Variants in LRPPRC observed in about 807,000 individuals in gnomAD.
The protein encoded by LRPPRC is leucine-rich PPR motif-containing protein, mitochondrial.
A neutral mutation model predicts 180.3 loss-of-function variants in LRPPRC; 120 were observed. That is an observed-to-expected ratio of 0.67 (90% CI 0.57 to 0.77). LRPPRC has a LOEUF of 0.77. Among genes scored for constraint, LRPPRC ranks in the 30% least tolerant of loss-of-function variants. LRPPRC has a pLI of 0.00. For synonymous variants in LRPPRC, 723 were observed against 600.0 expected, an observed-to-expected ratio of 1.21 and a Z score of -3.00; for missense variants, 2,012 against 1,657.2, an observed-to-expected ratio of 1.21 and a Z score of -3.72.
rs1558884489 is a variant in LRPPRC at position 43,889,740 on chromosome 2, T to C, written c.4122A>G (p.Glu1374=). Reference sequence around the variant, plus strand: ...TTAATTAAGAAATACTCACAGGGGGTTCAATGAAAGGGACAGGCTCTCCAG... The same window carrying C: ...TTAATTAAGAAATACTCACAGGGGGCTCAATGAAAGGGACAGGCTCTCCAG... ...KYAGEPVPFI[E]PPESFEFYAQ... Residue 1374 remains glutamate, a synonymous_variant, in exon 37 of 38, where the codon GAA becomes GAG. Coordinates refer to ENST00000260665, the MANE Select transcript of LRPPRC (RefSeq NM_133259.4). 6.2e-7 allele frequency: 1 copy of C among 1,611,824 alleles called. No individual in the cohort carries two copies. The highest frequency in any genetic ancestry group is 8.5e-7 in the Non-Finnish European group (1 of 1,178,064).
chr2:43,939,746 G>C (rs1398897070), intron 23 of LRPPRC, among the ~76,000 whole-genome samples: 1 of 152,164 alleles, frequency 6.6e-6, no homozygotes, highest in Non-Finnish European at 1.5e-5. Context: ...AATTAACTGT[G>C]TTGAAGGCTT....
chr2:43,938,147 TAAAAGA>T (rs1295564043), intron 23 of LRPPRC, among the ~76,000 whole-genome samples: 1 of 151,210 alleles, frequency 6.6e-6, no homozygotes, highest in African/African-American at 2.4e-5. Context: ...CAAATGACAC[TAAAAGA>T]AAATCAACTC....
At chr2:43,913,875 C>T (rs1671349059) in intron 29 of LRPPRC, among the ~76,000 whole-genome samples, 2 of 152,152 alleles carry the variant, frequency 1.3e-5, no homozygotes, top group South Asian at 4.1e-4. Flanking sequence ...CTGATTATTC[C>T]ATCAGATACC....
chr2:43,987,044 C>T (rs555246917), intron 1 of LRPPRC, among the ~76,000 whole-genome samples: 5 of 152,234 alleles, frequency 3.3e-5, no homozygotes, highest in East Asian at 1.9e-4. Context: ...CCTGTTGATA[C>T]GCTGGATCAC....
intron 1 of LRPPRC, among the ~76,000 whole-genome samples, chr2:43,992,195 C>T (rs1053572143): frequency 6.6e-6 from 1 of 152,098 alleles, no homozygotes; most frequent in Non-Finnish European, 1.5e-5. Context: ...AGATGGGGGA[C>T]ACCTGACTAA....
At chr2:43,970,782 T>C (rs1436228134) in intron 11 of LRPPRC, among the ~76,000 whole-genome samples, 1 of 152,186 alleles carries the variant, frequency 6.6e-6, no homozygotes, top group East Asian at 1.9e-4. Flanking sequence ...CTCACTTTAT[T>C]AGGAGGCAAC....
At chr2:43,893,161 G>C (rs572846398) in intron 36 of LRPPRC, among the ~76,000 whole-genome samples, 1 of 152,286 alleles carries the variant, frequency 6.6e-6, no homozygotes, top group East Asian at 1.9e-4. Context: ...GTTTCCTATG[G>C]ATGACCAAAG....
chr2:43,904,115 A>C (rs796871729), intron 31 of LRPPRC, among the ~76,000 whole-genome samples: 10 of 151,980 alleles, frequency 6.6e-5, no homozygotes, highest in African/African-American at 2.4e-4. Flanking sequence ...GCTATTTAAA[A>C]ATTTTTTGTA....
chr2:43,916,033 G>A (rs1273674924), intron 29 of LRPPRC, among the ~76,000 whole-genome samples: 2 of 152,080 alleles, frequency 1.3e-5, no homozygotes, highest in Non-Finnish European at 2.9e-5. Context: ...CCAAGTTGTT[G>A]GGATTATAGG....
At chr2:43,990,434 A>G (rs1427422935) in intron 1 of LRPPRC, among the ~76,000 whole-genome samples, 1 of 152,138 alleles carries the variant, frequency 6.6e-6, no homozygotes, top group Non-Finnish European at 1.5e-5. Flanking sequence ...CGTTCCTATA[A>G]TCTACATAAA....
intron 1 of LRPPRC, among the ~76,000 whole-genome samples, chr2:43,991,589 G>C (rs1674784399): frequency 6.6e-6 from 1 of 152,130 alleles, no homozygotes; most frequent in Non-Finnish European, 1.5e-5. Flanking sequence ...CTCTGATCCA[G>C]AAATGCAAGG....
intron 26 of LRPPRC, 108 bp from the exon 27 acceptor site, chr2:43,925,265 T>G: frequency 1.3e-6 from 1 of 764,992 alleles, no homozygotes. Context: ...AAAAGGGCAG[T>G]TGAACTTCAT....
At chr2:43,892,856 T>C (rs1156443447) in intron 36 of LRPPRC, 1 of 152,028 alleles carries the variant, frequency 6.6e-6, no homozygotes, top group East Asian at 1.9e-4. Context: ...CAGACAGTGA[T>C]TCTTCTGATG....
At chr2:43,890,495 C>T (rs1015347718) in intron 36 of LRPPRC, 3 of 334,476 alleles carry the variant, frequency 9.0e-6, no homozygotes, top group Admixed American at 3.7e-5. Flanking sequence ...AGGCGGATCA[C>T]GAGGTTAGGA....
At chr2:43,945,496 T>C in intron 21 of LRPPRC, 79 bp from the exon 22 acceptor site, 2 of 850,618 alleles carry the variant, frequency 2.4e-6, no homozygotes, top group South Asian at 2.7e-5. Context: ...TTTAATCACT[T>C]TTCAAAAGCT....
At chr2:43,931,910 A>C (rs2105054737) in intron 25 of LRPPRC, among the ~76,000 whole-genome samples, 1 of 152,036 alleles carries the variant, frequency 6.6e-6, no homozygotes, top group East Asian at 1.9e-4. Flanking sequence ...TTTCCTTCTC[A>C]GTCTTTCTCC....
At position 43,995,793 on chromosome 2, in the gene LRPPRC, A is replaced by G; in HGVS notation, c.149+6T>C. On this transcript the variant is annotated splice_donor_region_variant and intron_variant, in intron 1 of 37. Coordinates refer to ENST00000260665, the MANE Select transcript of LRPPRC (RefSeq NM_133259.4). ...GCTTGCCTGGAGAAAGGGCCTGGGC[A>G]CTCACCCGGCCACGGGCCCGGCGCG... 1 of 1,383,700 alleles carries G rather than the reference A, an allele frequency of 7.2e-7. No individual in the cohort carries two copies. Among genetic ancestry groups the G allele is most frequent in the Non-Finnish European group, 9.3e-7 (1 of 1,080,594 alleles). The allele number at this position is 1,383,700 out of a possible 1,614,324, so 85.7% of individuals were successfully genotyped here.
intron 25 of LRPPRC, among the ~76,000 whole-genome samples, chr2:43,926,254 T>C (rs900792390): frequency 5.3e-5 from 8 of 152,316 alleles, no homozygotes; most frequent in African/African-American, 1.4e-4. Flanking sequence ...TTCCAAATGC[T>C]GCACTGCACG....
intron 34 of LRPPRC, among the ~76,000 whole-genome samples, chr2:43,898,085 AAAAC>A (rs1333090093): frequency 6.6e-6 from 1 of 151,240 alleles, no homozygotes; most frequent in Non-Finnish European, 1.5e-5. Context: ...AAAAAAAAAA[AAAAC>A]AAAGGAAAAA....
Sources: gnomAD v4.1 joint callset for allele counts (sites outside exome capture counted in the v4.1 genomes callset) on GRCh38, gnomAD v4.1.1 for gene constraint, MANE v1.5 for transcripts, NCBI Gene and HGNC (gene_info 2026-07-23, HGNC 2026-07-21) for gene names.